The following ZEB1 variants were observed in gnomAD, a reference collection of about 807,000 sequenced individuals.
ZEB1 encodes zinc finger E-box binding homeobox 1.
Under a neutral mutation model 84.9 loss-of-function variants are expected in ZEB1, and 21 were observed. The observed-to-expected ratio is 0.25, with a 90% CI of 0.18 to 0.36. ZEB1 has a LOEUF of 0.36. ZEB1 is among the 10% of genes least tolerant of loss of function. The pLI, the probability that ZEB1 is intolerant of heterozygous loss-of-function variation, is 1.00. For synonymous variants in ZEB1, 420 were observed against 471.1 expected, an observed-to-expected ratio of 0.89 and a Z score of 1.41; for missense variants, 1,104 against 1,330.2, an observed-to-expected ratio of 0.83 and a Z score of 2.65.
chr10:31,496,645 TA>T (rs1329591042), intron 3 of ZEB1, among the ~76,000 whole-genome samples: 1 of 152,146 alleles, frequency 6.6e-6, no homozygotes, highest in Admixed American at 6.6e-5. Flanking sequence ...AAACGTAGTG[TA>T]ATTGTACTTT....
chr10:31,346,558 G>A (rs12253971), intron 1 of ZEB1, among the ~76,000 whole-genome samples: 29,224 of 150,680 alleles, frequency 0.19, 5,519 homozygotes, highest in African/African-American at 0.5. Flanking sequence ...ACTTTTGCAC[G>A]TAGAGTTTTT....
intron 2 of ZEB1, among the ~76,000 whole-genome samples, chr10:31,492,034 T>C (rs1458232712): frequency 6.6e-6 from 1 of 151,816 alleles, no homozygotes; most frequent in East Asian, 1.9e-4. Flanking sequence ...GGGAATAGGG[T>C]AGGAATAGCA....
intron 6 of ZEB1, among the ~76,000 whole-genome samples, chr10:31,516,054 T>A (rs1304433064): frequency 6.6e-6 from 1 of 152,042 alleles, no homozygotes; most frequent in Non-Finnish European, 1.5e-5. Flanking sequence ...GATCTATAAA[T>A]AATACAAAGT....
intron 1 of ZEB1, among the ~76,000 whole-genome samples, chr10:31,433,835 C>G (rs1053724871): frequency 6.6e-6 from 1 of 152,174 alleles, no homozygotes; most frequent in Non-Finnish European, 1.5e-5. Flanking sequence ...ACAGTTTGAC[C>G]TACCATTGTC....
chr10:31,506,240 T>C (rs914528533), intron 4 of ZEB1, among the ~76,000 whole-genome samples: 3 of 152,050 alleles, frequency 2.0e-5, no homozygotes, highest in Non-Finnish European at 2.9e-5. Context: ...ATATGTATCC[T>C]TTAGTAGTTG....
At chr10:31,522,435 C>T (rs1286047346) in intron 7 of ZEB1, among the ~76,000 whole-genome samples, 8 of 152,230 alleles carry the variant, frequency 5.3e-5, no homozygotes, top group Non-Finnish European at 7.4e-5. Flanking sequence ...ATACAAAGAA[C>T]GCATCTTGTG....
intron 1 of ZEB1, among the ~76,000 whole-genome samples, chr10:31,424,154 C>T (rs538379477): frequency 2.0e-5 from 3 of 152,014 alleles, no homozygotes; most frequent in South Asian, 2.1e-4. Context: ...TATGTGTTTA[C>T]GTAAATTCAC....
chr10:31,469,300 C>A (rs1309560879), intron 2 of ZEB1, among the ~76,000 whole-genome samples: 1 of 152,150 alleles, frequency 6.6e-6, no homozygotes, highest in Non-Finnish European at 1.5e-5. Flanking sequence ...ATCTGAGGTA[C>A]CGGGTTCATC....
Position 31,527,220 on chromosome 10 carries a change from G to A in ZEB1, c.3334G>A (p.Glu1112Lys), listed in dbSNP as rs143438972. The change falls in exon 9 of 9, where the codon GAG becomes AAG. Residue 1112 changes from glutamate to lysine, a missense_variant. This residue lies in a region of ZEB1 where 173 missense variants were observed against 167.0 expected (regional missense o/e 1.04). Coordinates refer to ENST00000424869, the MANE Select transcript of ZEB1 (RefSeq NM_001174096.2). ...QASSLGQKVG[E>K]SSEQVSEEKT... ...AAGCAGCTTAGGACAAAAAGTAGGC[G>A]AGAGTAGTGAGCAAGTGTCTGAAGA... 2.9e-4 allele frequency: 466 copies of A among 1,610,456 alleles called. 3 individuals are homozygous for A. The African/African-American group carries it at 4.6e-3, about 16-fold the overall frequency.
chr10:31,463,752 A>G (rs1181753842), intron 2 of ZEB1, among the ~76,000 whole-genome samples: 1 of 152,246 alleles, frequency 6.6e-6, no homozygotes, highest in Non-Finnish European at 1.5e-5. Context: ...ATCTCAAGCC[A>G]TATTTGAGTT....
At chr10:31,411,972 C>A (rs1277342469) in intron 1 of ZEB1, among the ~76,000 whole-genome samples, 1 of 151,974 alleles carries the variant, frequency 6.6e-6, no homozygotes, top group Non-Finnish European at 1.5e-5. Flanking sequence ...TTTGTAATTC[C>A]ATTTCACGAT....
chr10:31,329,985 T>A (rs1247779734), intron 1 of ZEB1, among the ~76,000 whole-genome samples: 2 of 152,206 alleles, frequency 1.3e-5, no homozygotes, highest in Non-Finnish European at 2.9e-5. Context: ...TATTTCTCTC[T>A]TTCTGTTGGC....
chr10:31,455,828 C>T (rs138102133), intron 1 of ZEB1, among the ~76,000 whole-genome samples: 6,806 of 152,214 alleles, frequency 0.045, 224 homozygotes, highest in Middle Eastern at 0.082. Flanking sequence ...ATTAGTTCAA[C>T]CATTGTGGAA....
At chr10:31,411,070 C>A (rs772931169) in intron 1 of ZEB1, among the ~76,000 whole-genome samples, 6 of 152,090 alleles carry the variant, frequency 3.9e-5, no homozygotes, top group Non-Finnish European at 8.8e-5. Context: ...TTCTCTAGTT[C>A]TTTTAATTGT....
At position 31,374,867 on chromosome 10, in the gene ZEB1, G is replaced by A. The variant is rs560002243; in HGVS notation, c.58+55575G>A. 17 of 151,742 alleles carry A rather than the reference G, an allele frequency of 1.1e-4. No individual in the cohort carries two copies. In the East Asian group the frequency reaches 1.3e-3, roughly 12 times the overall value. 9.4% of individuals were successfully genotyped at this position (151,742 alleles called of 1,614,324 possible). ...ATTCTTACGTGAGAATTTCACTTACGGGAGAGTTCTTACAGGATTTCAAGA... is the reference window on the plus strand; with the variant it reads ...ATTCTTACGTGAGAATTTCACTTACAGGAGAGTTCTTACAGGATTTCAAGA... On this transcript the variant is annotated intron_variant, in intron 1 of 8. Coordinates refer to ENST00000424869, the MANE Select transcript of ZEB1 (RefSeq NM_001174096.2).
intron 1 of ZEB1, among the ~76,000 whole-genome samples, chr10:31,435,869 A>G (rs960456770): frequency 2.6e-5 from 4 of 152,216 alleles, no homozygotes; most frequent in African/African-American, 9.6e-5. Flanking sequence ...CAAGGGACCA[A>G]TGACATGGTA....
intron 1 of ZEB1, among the ~76,000 whole-genome samples, chr10:31,379,380 T>C (rs1371760325): frequency 6.6e-6 from 1 of 151,978 alleles, no homozygotes; most frequent in African/African-American, 2.4e-5. Context: ...CCTAAGGTAT[T>C]GTTGGACTGA....
At chr10:31,405,921 C>T (rs1276264521) in intron 1 of ZEB1, among the ~76,000 whole-genome samples, 2 of 152,126 alleles carry the variant, frequency 1.3e-5, no homozygotes, top group African/African-American at 4.8e-5. Context: ...TCAACTCCCA[C>T]TTATGAGTGA....
chr10:31,435,622 A>C (rs1318136316), intron 1 of ZEB1, among the ~76,000 whole-genome samples: 2 of 152,200 alleles, frequency 1.3e-5, no homozygotes, highest in East Asian at 3.8e-4. Context: ...ATCTCAGGCC[A>C]AGGGAAAGGC....
Sources: gnomAD v4.1 joint callset for allele counts (sites outside exome capture counted in the v4.1 genomes callset) on GRCh38, gnomAD v4.1.1 for gene constraint, gnomAD v4.1.1 regional missense constraint, MANE v1.5 for transcripts, NCBI Gene and HGNC (gene_info 2026-07-23, HGNC 2026-07-21) for gene names.